Variants in DLG2 observed in about 807,000 individuals in gnomAD.
DLG2 encodes the protein disks large homolog 2.
DLG2 carries 45 observed loss-of-function variants against 132.5 expected under a neutral mutation model. The ratio of observed to expected loss-of-function variants is 0.34; its 90% confidence interval spans 0.27 to 0.44. DLG2 has a LOEUF of 0.44. Ranked by LOEUF, DLG2 falls within the 20% of genes least tolerant of loss-of-function variation. DLG2 has a pLI of 1.00. For synonymous variants in DLG2, 424 were observed against 419.6 expected (o/e 1.01, Z -0.13); for missense variants, 1,045 against 1,196.9 (o/e 0.87, Z 1.87).
At chr11:83,936,585 C>CA (rs1247076702) in intron 14 of DLG2, among the ~76,000 whole-genome samples, 1 of 152,130 alleles carries the variant, frequency 6.6e-6, no homozygotes, top group African/African-American at 2.4e-5. Context: ...ACATCACTCT[C>CA]AGTTATATTT....
intron 19 of DLG2, among the ~76,000 whole-genome samples, chr11:83,625,960 A>G (rs1340660685): frequency 6.6e-6 from 1 of 152,094 alleles, no homozygotes; most frequent in Non-Finnish European, 1.5e-5. Flanking sequence ...TTTCTCTCAC[A>G]TTTGTGTAGG....
intron 9 of DLG2, among the ~76,000 whole-genome samples, chr11:84,131,074 T>C (rs1296036172): frequency 1.3e-5 from 2 of 151,962 alleles, no homozygotes; most frequent in African/African-American, 2.4e-5. Context: ...ATAGCCAGGG[T>C]GTGTGGTGTC....
chr11:84,507,704 G>A (rs1238969662), intron 7 of DLG2, among the ~76,000 whole-genome samples: 1 of 152,172 alleles, frequency 6.6e-6, no homozygotes, highest in African/African-American at 2.4e-5. Flanking sequence ...TTTATTCAAA[G>A]TTTTTTCTAT....
intron 7 of DLG2, among the ~76,000 whole-genome samples, chr11:84,350,492 G>T (rs1368306253): frequency 1.3e-5 from 2 of 152,136 alleles, no homozygotes; most frequent in Non-Finnish European, 2.9e-5. Flanking sequence ...ACCTACACCT[G>T]ACCACAGATG....
chr11:85,426,594 C>T (rs1565475775), intron 3 of DLG2, among the ~76,000 whole-genome samples: 1 of 152,174 alleles, frequency 6.6e-6, no homozygotes, highest in Admixed American at 6.5e-5. Context: ...AACTAACAAA[C>T]AGAAAGGACA....
At chr11:84,389,731 T>G (rs562044325) in intron 7 of DLG2, among the ~76,000 whole-genome samples, 7 of 152,172 alleles carry the variant, frequency 4.6e-5, no homozygotes, top group Admixed American at 2.0e-4. Context: ...TCTTTTGAAC[T>G]GGTAAGCATC....
chr11:84,699,588 C>T (rs745540230), intron 6 of DLG2, among the ~76,000 whole-genome samples: 5 of 151,346 alleles, frequency 3.3e-5, no homozygotes, highest in Non-Finnish European at 4.4e-5. Context: ...CTGATTTGGC[C>T]CTAACCTAGA....
chr11:84,166,500 C>CAAAAAAAAAA (rs398016937), intron 8 of DLG2, among the ~76,000 whole-genome samples: 46 of 80,172 alleles, frequency 5.7e-4, no homozygotes, highest in African/African-American at 6.8e-4. Flanking sequence ...GACTCTGCTT[C>CAAAAAAAAAA]AAAAAAAAAA....
intron 6 of DLG2, among the ~76,000 whole-genome samples, chr11:84,883,822 C>T (rs1397393548): frequency 6.6e-6 from 1 of 152,070 alleles, no homozygotes. Context: ...TAGGGTGATA[C>T]TAAAATGGTT....
At chr11:85,540,435 A>C (rs2075890629) in intron 3 of DLG2, among the ~76,000 whole-genome samples, 2 of 152,184 alleles carry the variant, frequency 1.3e-5, no homozygotes, top group African/African-American at 4.8e-5. Context: ...TAGTGATCAG[A>C]GGAGATGCCT....
chr11:84,609,528 C>A (rs1450461237), intron 6 of DLG2, among the ~76,000 whole-genome samples: 3 of 152,046 alleles, frequency 2.0e-5, no homozygotes, highest in Admixed American at 1.3e-4. Flanking sequence ...TCAACCCAAG[C>A]CAATGGAAAC....
In DLG2 at chr11:84,502,394, CTTTCTTTCTTTCTTTCTT is replaced by C. The variant is rs1567807171; in HGVS notation, c.519+32158_519+32175del. On this transcript the variant is annotated intron_variant, in intron 7 of 27. Coordinates refer to ENST00000376104, the MANE Select transcript of DLG2 (RefSeq NM_001142699.3). The stretch of plus-strand genomic sequence containing the variant: ...TCTTTCTTTCTTTCTTTCTTTCTTT[CTTTCTTTCTTTCTTTCTT>C]TCTATACAGAGTCTCATGCTGTCAC... Among the ~76,000 whole-genome samples, 353 of 93,362 alleles carry C rather than the reference CTTTCTTTCTTTCTTTCTT, an allele frequency of 3.8e-3. 2 individuals are homozygous for C. The highest frequency in any genetic ancestry group is 8.8e-3 in the South Asian group (28 of 3,170). 61.2% of individuals were successfully genotyped at this position (93,362 alleles called of 152,430 possible).
At chr11:83,563,750 T>G (rs1188154216) in intron 19 of DLG2, among the ~76,000 whole-genome samples, 2 of 152,194 alleles carry the variant, frequency 1.3e-5, no homozygotes, top group Admixed American at 6.5e-5. Flanking sequence ...TAGCCAAGAT[T>G]CATCTAATTA....
intron 7 of DLG2, among the ~76,000 whole-genome samples, chr11:84,277,275 A>G (rs2097791591): frequency 6.6e-6 from 1 of 152,228 alleles, no homozygotes; most frequent in Non-Finnish European, 1.5e-5. Flanking sequence ...CAAAATGTAC[A>G]CATTTTTAAG....
intron 7 of DLG2, among the ~76,000 whole-genome samples, chr11:84,344,207 C>G (rs760832165): frequency 2.0e-5 from 3 of 152,176 alleles, no homozygotes; most frequent in Non-Finnish European, 4.4e-5. Context: ...ACCGAGCCAA[C>G]AGATGCTGGA....
At chr11:85,463,078 C>T (rs1160463953) in intron 3 of DLG2, among the ~76,000 whole-genome samples, 1 of 152,148 alleles carries the variant, frequency 6.6e-6, no homozygotes, top group African/African-American at 2.4e-5. Flanking sequence ...ATTCCAGTGT[C>T]CAGAACTGAG....
intron 6 of DLG2, among the ~76,000 whole-genome samples, chr11:84,991,837 A>C (rs2057157705): frequency 6.6e-6 from 1 of 152,206 alleles, no homozygotes; most frequent in Non-Finnish European, 1.5e-5. Flanking sequence ...TAAAGCTGTT[A>C]TATGTATCAT....
chr11:84,190,932 T>C (rs1014333278), intron 8 of DLG2, among the ~76,000 whole-genome samples: 2 of 152,240 alleles, frequency 1.3e-5, no homozygotes, highest in Non-Finnish European at 2.9e-5. Context: ...GGTCAATTAG[T>C]ATTGCACACA....
intron 6 of DLG2, among the ~76,000 whole-genome samples, chr11:84,701,908 T>C (rs2059266189): frequency 6.6e-6 from 1 of 151,588 alleles, no homozygotes. Context: ...CTGTGGTCTC[T>C]ATGTTTCCCC....
Sources: gnomAD v4.1 joint callset for allele counts (sites outside exome capture counted in the v4.1 genomes callset) on GRCh38, gnomAD v4.1.1 for gene constraint, MANE v1.5 for transcripts, NCBI Gene and HGNC (gene_info 2026-07-23, HGNC 2026-07-21) for gene names.